KLC1: variants seen among roughly 807,000 people sequenced by gnomAD.
KLC1 encodes kinesin light chain 1, also known as kinesin 2 60/70kDa.
In KLC1, 30 loss-of-function variants were observed where a neutral mutation model predicts 84.2. The ratio of observed to expected loss-of-function variants is 0.36; its 90% CI spans 0.27 to 0.48. The LOEUF (loss-of-function observed/expected upper bound fraction) is 0.48, where lower values mean the gene tolerates loss of function less well. Among genes scored for constraint, KLC1 ranks in the 20% least tolerant of loss-of-function variants. The pLI, the probability that KLC1 is intolerant of heterozygous loss-of-function variation, is 0.99. For synonymous variants in KLC1, 289 were observed against 293.3 expected, an observed-to-expected ratio of 0.99 and a Z score of 0.15; for missense variants, 499 against 805.4, an observed-to-expected ratio of 0.62 and a Z score of 4.60.
intron 9 of KLC1, 68 bp from the exon 10 acceptor site, chr14:103,675,484 A>T: frequency 7.4e-7 from 1 of 1,352,414 alleles, no homozygotes; most frequent in Non-Finnish European, 1.0e-6. Flanking sequence ...AATTCCCCTT[A>T]GAGCAGTTCA....
intron 1 of KLC1, among the ~76,000 whole-genome samples, chr14:103,653,203 G>T (rs1213462300): frequency 6.6e-6 from 1 of 152,150 alleles, no homozygotes; most frequent in Non-Finnish European, 1.5e-5. Context: ...GAGTGCAGAG[G>T]TACCATCATA....
At chr14:103,652,928 A>G (rs925610556) in intron 1 of KLC1, among the ~76,000 whole-genome samples, 2 of 152,220 alleles carry the variant, frequency 1.3e-5, no homozygotes, top group Admixed American at 6.5e-5. Context: ...TCATTTTTCC[A>G]GTGTGTGATG....
At chr14:103,639,942 A>G (rs1250889844) in intron 1 of KLC1, among the ~76,000 whole-genome samples, 1 of 150,086 alleles carries the variant, frequency 6.7e-6, no homozygotes, top group Non-Finnish European at 1.5e-5. Context: ...TTTTTTTAGG[A>G]TGGGGTTTTG....
rs554584312 is a variant in KLC1, at chr14:103,650,528, C to T, written c.-1-4036C>T. ...AACTTAGATACTGAGTAATTTTTACCTTGCAGAAATCAGTAAATCAGTGTT... is the reference window on the plus strand; with the variant it reads ...AACTTAGATACTGAGTAATTTTTACTTTGCAGAAATCAGTAAATCAGTGTT... On this transcript the variant is annotated intron_variant, in intron 1 of 16. Coordinates refer to ENST00000334553, the MANE Select transcript of KLC1 (RefSeq NM_001394837.1). Among the ~76,000 whole-genome samples, 6 of 151,558 alleles carry T rather than the reference C, an allele frequency of 4.0e-5. No individual in the cohort carries two copies. The South Asian group carries it at 1.3e-3, about 32-fold the overall frequency.
chr14:103,677,284 A>G, intron 11 of KLC1, 131 bp from the exon 12 acceptor site: 1 of 660,734 alleles, frequency 1.5e-6, no homozygotes. Context: ...AGTTTCAGAA[A>G]AGTACAAGAG....
At chr14:103,667,937 G>C (rs938645297) in intron 5 of KLC1, among the ~76,000 whole-genome samples, 1 of 152,126 alleles carries the variant, frequency 6.6e-6, no homozygotes, top group African/African-American at 2.4e-5. Context: ...TCTGGTTCTG[G>C]GGTGTTTCTG....
rs1027207867 is a variant in KLC1, at chr14:103,692,396, G to A, written c.1819G>A (p.Gly607Ser). The A allele has an allele frequency of 4.6e-6, 7 of 1,536,568 alleles. No homozygotes were observed. In the African/African-American group the frequency reaches 5.5e-5, roughly 12 times the overall value. ...CAGCTCTCTGAATGTCCTTAACGTG[G>A]GTGGCAAGGCTGCTGAAGATCGCTT... ...RASSLNVLNV[G>S]GKAAEDRFQG... Residue 607 changes from glycine to serine, a missense_variant, in exon 15 of 17, where the codon GGT (glycine) becomes AGT (serine). Transcript: ENST00000334553.
intron 3 of KLC1, among the ~76,000 whole-genome samples, chr14:103,658,656 CTTTTTTTTT>C (rs58151718): frequency 3.7e-5 from 4 of 107,954 alleles, no homozygotes; most frequent in Non-Finnish European, 7.3e-5. Flanking sequence ...ATTCAGTTAA[CTTTTTTTTT>C]TTTTTTTTTT....
At chr14:103,669,915 G>T (rs919711338) in intron 6 of KLC1, among the ~76,000 whole-genome samples, 1 of 152,156 alleles carries the variant, frequency 6.6e-6, no homozygotes, top group African/African-American at 2.4e-5. Flanking sequence ...ATATGAATCT[G>T]TTTTGGTTGG....
At chr14:103,682,119 C>G (rs781519154) in intron 13 of KLC1, among the ~76,000 whole-genome samples, 1 of 151,944 alleles carries the variant, frequency 6.6e-6, no homozygotes, top group Non-Finnish European at 1.5e-5. Flanking sequence ...ACCTGTAATC[C>G]CAGCACTTTG....
intron 1 of KLC1, among the ~76,000 whole-genome samples, chr14:103,641,265 C>T (rs2077465865): frequency 6.6e-6 from 1 of 152,162 alleles, no homozygotes; most frequent in South Asian, 2.1e-4. Context: ...TTTGGTATCA[C>T]TGGTTTTTCC....
chr14:103,678,605 G>A (rs1244241992), intron 12 of KLC1, among the ~76,000 whole-genome samples: 1 of 151,796 alleles, frequency 6.6e-6, no homozygotes, highest in East Asian at 1.9e-4. Flanking sequence ...TGGGAGGATC[G>A]CTTGAACCCG....
chr14:103,678,697 GA>G (rs369328870), intron 12 of KLC1, among the ~76,000 whole-genome samples: 39 of 137,974 alleles, frequency 2.8e-4, no homozygotes, highest in South Asian at 2.0e-3. Flanking sequence ...CTCAAAGAAA[GA>G]AAAAAAAAAA....
At chr14:103,686,226 C>G (rs2081772124) in intron 13 of KLC1, 15 of 986,272 alleles carry the variant, frequency 1.5e-5, no homozygotes, top group Non-Finnish European at 1.7e-5. Context: ...CTCCGACTGA[C>G]CTGTGTCTTG....
intron 13 of KLC1, chr14:103,686,063 G>T: frequency 2.0e-6 from 2 of 1,016,956 alleles, no homozygotes; most frequent in Non-Finnish European, 1.2e-6. Flanking sequence ...AGCCCTGGGG[G>T]CCCCGCTCGG....
At chr14:103,635,257 T>C (rs562693476) in intron 1 of KLC1, among the ~76,000 whole-genome samples, 2 of 152,314 alleles carry the variant, frequency 1.3e-5, no homozygotes, top group South Asian at 4.1e-4. Context: ...TAAATTTATG[T>C]TCAGGCTTCT....
At chr14:103,662,266 C>T in intron 4 of KLC1, 72 bp downstream of exon 4, 1 of 1,226,030 alleles carries the variant, frequency 8.2e-7, no homozygotes, top group Non-Finnish European at 1.2e-6. Context: ...ACGGTCATAG[C>T]AATCAGTGGC....
intron 5 of KLC1, among the ~76,000 whole-genome samples, chr14:103,664,871 G>A (rs2151603374): frequency 7.1e-6 from 1 of 141,766 alleles, no homozygotes; most frequent in Admixed American, 7.4e-5. Context: ...AAAACATATG[G>A]AAGTTTCTGG....
At position 103,662,802 on chromosome 14, in the gene KLC1, C is replaced by T. The variant is rs777837653; in HGVS notation, c.672C>T (p.Ala224=). ...RTLHNLVIQY[A]SQGRYEVAVP... ...TCCACAACCTGGTGATCCAGTACGC[C>T]TCGCAGGGGCGCTACGAGGTAGCTG... Residue 224 remains alanine (A), a synonymous_variant, in exon 5 of 17, where the codon GCC becomes GCT. Coordinates refer to ENST00000334553, the MANE Select transcript of KLC1 (RefSeq NM_001394837.1). The T allele has an allele frequency of 1.9e-6, 3 of 1,613,082 alleles. No individual in the cohort carries two copies. The highest frequency in any genetic ancestry group is 2.5e-6 in the Non-Finnish European group (3 of 1,179,902).
Sources: gnomAD v4.1 joint callset for allele counts (sites outside exome capture counted in the v4.1 genomes callset) on GRCh38, gnomAD v4.1.1 for gene constraint, MANE v1.5 for transcripts, NCBI Gene and HGNC (gene_info 2026-07-23, HGNC 2026-07-21) for gene names.